Variants in GALNT13 observed in about 807,000 individuals in gnomAD.
GALNT13 encodes UDP-GalNAc:polypeptide N-acetylgalactosaminyltransferase 13.
Under a neutral mutation model 64.2 loss-of-function variants are expected in GALNT13, and 28 were observed. The ratio of observed to expected loss-of-function variants is 0.44; its 90% CI spans 0.32 to 0.60. The LOEUF (loss-of-function observed/expected upper bound fraction) is 0.60. Among genes scored for constraint, GALNT13 ranks in the 20% least tolerant of loss-of-function variants. The probability of loss-of-function intolerance (pLI) is 0.05; values close to 1 mark genes in which losing one functional copy is unlikely to be tolerated. For missense variants in GALNT13, 577 were observed against 669.8 expected (o/e 0.86, Z 1.53); for synonymous variants, 214 against 224.6 (o/e 0.95, Z 0.42).
At chr2:153,844,912 T>C in the GALNT13 span, among the ~76,000 whole-genome samples, 3 of 152,336 alleles carry the variant, frequency 2.0e-5, no homozygotes, top group Middle Eastern at 3.4e-3. Flanking sequence ...GCATAACATA[T>C]GTGACATTTG....
chr2:153,588,984 T>A, the GALNT13 span, among the ~76,000 whole-genome samples: 1 of 152,100 alleles, frequency 6.6e-6, no homozygotes, highest in African/African-American at 2.4e-5. Context: ...CTGACCAACA[T>A]GGAGAAACCC....
chr2:153,986,339 A>G (rs1694799472), intron 3 of GALNT13, among the ~76,000 whole-genome samples: 1 of 152,024 alleles, frequency 6.6e-6, no homozygotes, highest in African/African-American at 2.4e-5. Context: ...ACAAAAGAGA[A>G]AGACAGGTAT....
chr2:153,260,708 A>G, the GALNT13 span, among the ~76,000 whole-genome samples: 2 of 152,126 alleles, frequency 1.3e-5, no homozygotes, highest in Non-Finnish European at 1.5e-5. Context: ...GGTGTTCTAT[A>G]ACCTTCTACT....
rs1301036483 is a variant in GALNT13, at chr2:154,242,635, A to G, written c.479-63A>G. Reference sequence around the variant, plus strand: ...TGTGTTGAATTTCCATCTTGGTAGTATCTCTGCTATTTCTTAAAACAGTTT... The same window carrying G: ...TGTGTTGAATTTCCATCTTGGTAGTGTCTCTGCTATTTCTTAAAACAGTTT... On this transcript the variant is annotated intron_variant, in intron 5 of 12. Transcript: ENST00000392825. 2.6e-5 allele frequency: 27 copies of G among 1,028,638 alleles called. No individual in the cohort carries two copies. In the Admixed American group the frequency reaches 4.2e-4, roughly 16 times the overall value. The allele number at this position is 1,028,638 out of a possible 1,614,324, so 63.7% of individuals were successfully genotyped here.
chr2:153,123,551 T>G, the GALNT13 span, among the ~76,000 whole-genome samples: 3 of 152,208 alleles, frequency 2.0e-5, no homozygotes. Context: ...ACACCTGAGT[T>G]GTGACTCCAA....
chr2:154,075,894 T>C (rs2105400958), intron 3 of GALNT13, among the ~76,000 whole-genome samples: 2 of 151,886 alleles, frequency 1.3e-5, no homozygotes, highest in Admixed American at 1.3e-4. Flanking sequence ...GCTCTAAGTG[T>C]TTTATATATA....
At chr2:153,827,060 T>C in the GALNT13 span, among the ~76,000 whole-genome samples, 1 of 151,832 alleles carries the variant, frequency 6.6e-6, no homozygotes, top group Non-Finnish European at 1.5e-5. Context: ...AAGAAAGAAG[T>C]TTATTGGACT....
intron 1 of GALNT13, among the ~76,000 whole-genome samples, chr2:153,889,969 A>G (rs1333234148): frequency 6.6e-6 from 1 of 151,738 alleles, no homozygotes; most frequent in Non-Finnish European, 1.5e-5. Flanking sequence ...GTGTGTCTGC[A>G]CTTCTGCTTG....
At chr2:154,425,963 G>C (rs1449875133) in intron 11 of GALNT13, among the ~76,000 whole-genome samples, 1 of 152,122 alleles carries the variant, frequency 6.6e-6, no homozygotes, top group Non-Finnish European at 1.5e-5. Context: ...GTTTTCTATT[G>C]TTTCATAACA....
chr2:153,962,344 TGTGGAG>T (rs1693005455), intron 3 of GALNT13, among the ~76,000 whole-genome samples: 1 of 152,164 alleles, frequency 6.6e-6, no homozygotes, highest in Non-Finnish European at 1.5e-5. Flanking sequence ...AGACGTATCA[TGTGGAG>T]TATGTGGAAT....
At chr2:154,155,064 A>G (rs1322908768) in intron 4 of GALNT13, among the ~76,000 whole-genome samples, 1 of 152,030 alleles carries the variant, frequency 6.6e-6, no homozygotes, top group Non-Finnish European at 1.5e-5. Context: ...AAATCAAAAT[A>G]TTATGGAAAC....
At chr2:154,416,688 T>C (rs1353171198) in intron 11 of GALNT13, among the ~76,000 whole-genome samples, 1 of 152,172 alleles carries the variant, frequency 6.6e-6, no homozygotes, top group Non-Finnish European at 1.5e-5. Flanking sequence ...CTCAAGTTCT[T>C]CAAACAATGA....
At chr2:153,522,256 C>G in the GALNT13 span, among the ~76,000 whole-genome samples, 1 of 151,858 alleles carries the variant, frequency 6.6e-6, no homozygotes. Flanking sequence ...TCGTTTGAAC[C>G]TGGGAGGTGG....
chr2:154,244,114 CAT>C (rs1689645758), intron 6 of GALNT13, among the ~76,000 whole-genome samples: 1 of 151,624 alleles, frequency 6.6e-6, no homozygotes, highest in East Asian at 1.9e-4. Context: ...TTTTTTTCCA[CAT>C]GTGTTTCATA....
chr2:153,525,419 A>G, the GALNT13 span, among the ~76,000 whole-genome samples: 1 of 152,198 alleles, frequency 6.6e-6, no homozygotes, highest in Admixed American at 6.5e-5. Flanking sequence ...GCTTGGCCAC[A>G]GCGGGATAGA....
the GALNT13 span, among the ~76,000 whole-genome samples, chr2:153,785,316 G>A: frequency 1.3e-5 from 2 of 151,992 alleles, no homozygotes; most frequent in Admixed American, 6.5e-5. Flanking sequence ...ACCACCCTGG[G>A]CAGTGGGTTC....
chr2:153,141,027 C>T, the GALNT13 span, among the ~76,000 whole-genome samples: 1 of 151,964 alleles, frequency 6.6e-6, no homozygotes, highest in African/African-American at 2.4e-5. Context: ...CATTCTACCA[C>T]TCTGTCCATC....
the GALNT13 span, among the ~76,000 whole-genome samples, chr2:153,493,293 G>C: frequency 1.3e-5 from 2 of 151,924 alleles, no homozygotes; most frequent in Admixed American, 6.6e-5. Context: ...CACAGAGAGA[G>C]AGAAAAGGAG....
intron 3 of GALNT13, among the ~76,000 whole-genome samples, chr2:154,048,763 ATTAC>A (rs941653987): frequency 6.6e-5 from 10 of 152,182 alleles, no homozygotes; most frequent in Admixed American, 2.0e-4. Flanking sequence ...TGGAATTGTA[ATTAC>A]TTACTTATAT....
Sources: allele counts gnomAD v4.1 joint callset (sites outside exome capture counted in the v4.1 genomes callset), GRCh38; gene constraint gnomAD v4.1.1; transcripts MANE v1.5; gene names NCBI Gene and HGNC (gene_info 2026-07-23, HGNC 2026-07-21).